Variants in ULBP2 observed in about 807,000 individuals in gnomAD.
The protein encoded by ULBP2 is UL16-binding protein 2.
In ULBP2, 21 loss-of-function variants were observed where a neutral mutation model predicts 23.6. The observed-to-expected ratio is 0.89, with a 90% CI of 0.63 to 1.28. ULBP2 has a LOEUF of 1.28. Ranked by LOEUF, ULBP2 falls within the 50% of genes most tolerant of loss-of-function variation. ULBP2 has a pLI of 0.00. For synonymous variants in ULBP2, 82 were observed against 112.8 expected (o/e 0.73, Z 1.73); for missense variants, 251 against 306.0 (o/e 0.82, Z 1.34).
chr6:149,947,251 G>A, intron 3 of ULBP2, 69 bp from the exon 4 acceptor site: 9 of 1,518,976 alleles, frequency 5.9e-6, no homozygotes, highest in Non-Finnish European at 7.2e-6. Context: ...AGGGTGGCAG[G>A]AACTGAGGAG....
intron 1 of ULBP2, among the ~76,000 whole-genome samples, chr6:149,942,452 T>A (rs1778877781): frequency 6.6e-6 from 1 of 151,860 alleles, no homozygotes; most frequent in South Asian, 2.1e-4. Flanking sequence ...AGCCTGGCAG[T>A]CCCACCCGCC....
Position 149,942,026 on chromosome 6 carries a change from G to A in ULBP2, c.-47G>A. The A allele has an allele frequency of 6.3e-7, 1 of 1,585,822 alleles. No homozygotes were observed. The highest frequency in any genetic ancestry group is 1.1e-5 in the South Asian group (1 of 87,926). On this transcript the variant is annotated 5_prime_UTR_variant, in exon 1 of 5. Transcript: ENST00000367351. ...AAACCTTGAGGTGATTCATCTTCCA[G>A]GCTCTCCTTCCATCAAGTCTCTCAT... is the stretch of plus-strand genomic sequence containing the variant.
chr6:149,945,902 C>T (rs35154256), intron 2 of ULBP2, among the ~76,000 whole-genome samples: 96 of 141,274 alleles, frequency 6.8e-4, no homozygotes, highest in African/African-American at 1.9e-3. Context: ...GGTGGTGCCA[C>T]TGCACTCCAG....
At chr6:149,942,984 G>T (rs975621736) in intron 1 of ULBP2, among the ~76,000 whole-genome samples, 1 of 151,246 alleles carries the variant, frequency 6.6e-6, no homozygotes, top group African/African-American at 2.5e-5. Flanking sequence ...GGCCCAGACC[G>T]CCTGTTCTTC....
At chr6:149,948,693 C>T (rs748612061) in intron 4 of ULBP2, 30 bp from the exon 5 acceptor site, 7 of 456,572 alleles carry the variant, frequency 1.5e-5, no homozygotes, top group Non-Finnish European at 2.6e-5. Context: ...TTCTCTGCCC[C>T]TTAAACCAAC....
rs1162284385 is a variant in ULBP2 at position 149,949,185 on chromosome 6, A to G, written c.*485A>G. ...TATATTAATGATTGTTTCCTTTAGT[A>G]ATTTATTGTTCTGTACTGATATTTA... On this transcript the variant is annotated 3_prime_UTR_variant, in exon 5 of 5. Transcript: ENST00000367351. The G allele has an allele frequency of 6.4e-6, 1 of 156,374 alleles. No individual in the cohort carries two copies. Among genetic ancestry groups the G allele is most frequent in the Non-Finnish European group, 1.4e-5 (1 of 70,948 alleles). 9.7% of individuals were successfully genotyped at this position (156,374 alleles called of 1,614,324 possible). A position where few individuals can be genotyped will look rare whatever the true frequency, so the allele number is the denominator to read the frequency against.
intron 2 of ULBP2, 36 bp downstream of exon 2, chr6:149,945,608 A>G: frequency 6.2e-7 from 1 of 1,613,942 alleles, no homozygotes; most frequent in South Asian, 1.1e-5. Context: ...CAGGGAACAG[A>G]TACAGTGGTA....
rs755510911 is a variant in ULBP2, at chr6:149,946,503, G to T, written c.481G>T (p.Val161Phe). The change falls in exon 3 of 5, where the codon GTT becomes TTT. Residue 161 changes from valine to phenylalanine, a missense_variant. Val to Phe is a conservative substitution (Grantham distance 50, BLOSUM62 -1). Coordinates refer to ENST00000367351, the MANE Select transcript of ULBP2 (RefSeq NM_025217.4). ...CTCAGAGAAGAGAATGTGGACAACGGTTCATCCTGGAGCCAGAAAGATGAA... is the reference window on the plus strand; with the variant it reads ...CTCAGAGAAGAGAATGTGGACAACGTTTCATCCTGGAGCCAGAAAGATGAA... ...FDSEKRMWTT[V>F]HPGARKMKEK... The T allele has an allele frequency of 6.2e-7, 1 of 1,614,024 alleles. No individual in the cohort carries two copies. The highest frequency in any genetic ancestry group is 1.3e-5 in the African/African-American group (1 of 74,876).
At chr6:149,948,393 G>T (rs1399778152) in intron 4 of ULBP2, among the ~76,000 whole-genome samples, 1 of 152,166 alleles carries the variant, frequency 6.6e-6, no homozygotes, top group African/African-American at 2.4e-5. Flanking sequence ...CTTTTTGGAA[G>T]TCTGCCCCAC....
intron 1 of ULBP2, among the ~76,000 whole-genome samples, chr6:149,944,304 G>C (rs1778904354): frequency 6.6e-6 from 1 of 151,808 alleles, no homozygotes; most frequent in African/African-American, 2.4e-5. Flanking sequence ...CATCTCTTTT[G>C]GACCTTGGAC....
chr6:149,948,757 G>A lies in ULBP2; in HGVS notation c.*57G>A, dbSNP rs1211685328. On this transcript the variant is annotated 3_prime_UTR_variant, in exon 5 of 5. Coordinates refer to ENST00000367351, the MANE Select transcript of ULBP2 (RefSeq NM_025217.4). ...GATACCAAAAGGCTCCTGTGAGCAC[G>A]GTCTTGATCAAACTCGCCCTTCTGT... 7 of 456,580 alleles carry A rather than the reference G, an allele frequency of 1.5e-5. No individual in the cohort carries two copies. Among genetic ancestry groups the A allele is most frequent in the Admixed American group, 7.0e-5 (3 of 42,554 alleles). 28.3% of individuals were successfully genotyped at this position (456,580 alleles called of 1,614,324 possible).
intron 1 of ULBP2, among the ~76,000 whole-genome samples, chr6:149,942,593 C>T (rs568258048): frequency 3.7e-4 from 57 of 152,264 alleles, no homozygotes; most frequent in Admixed American, 8.5e-4. Flanking sequence ...ACCCGCTCTC[C>T]ACCACACAAA....
chr6:149,948,499 C>T (rs1778977004), intron 4 of ULBP2, among the ~76,000 whole-genome samples: 1 of 152,266 alleles, frequency 6.6e-6, no homozygotes, highest in South Asian at 2.1e-4. Context: ...GCAGGCCCCT[C>T]CACTCCATCC....
At position 149,946,660 on chromosome 6, in the gene ULBP2, GGAGAAAAA is replaced by G. The variant is rs1444389982; in HGVS notation, c.631+10_631+17del. ...CTGGAGCCAAGTGCAGGAGGTAACAGGAGAAAAAGAAACGGGGATCTCAAATGTGATCA... is the reference window on the plus strand; with the variant it reads ...CTGGAGCCAAGTGCAGGAGGTAACAGGAAACGGGGATCTCAAATGTGATCA... On this transcript the variant is annotated splice_region_variant and intron_variant, in intron 3 of 4. Transcript: ENST00000367351. 1 of 1,612,120 alleles carries G rather than the reference GGAGAAAAA, an allele frequency of 6.2e-7. No individual in the cohort carries two copies. The highest frequency in any genetic ancestry group is 8.5e-7 in the Non-Finnish European group (1 of 1,178,838).
Position 149,943,375 on chromosome 6 carries a change from T to G in ULBP2, c.85+1218T>G, listed in dbSNP as rs151059403. On this transcript the variant is annotated intron_variant, in intron 1 of 4. Transcript: ENST00000367351. The stretch of plus-strand genomic sequence containing the variant: ...GAGTGGGGGTCCCATAGTTGGGGGC[T>G]TATTCTCCCCTCCTTTGTGCTGAGT... Among the ~76,000 whole-genome samples the G allele has an allele frequency of 7.1e-3, 1,088 of 152,208 alleles. 15 individuals carry two copies. The highest frequency in any genetic ancestry group is 0.025 in the African/African-American group (1,030 of 41,512).
chr6:149,947,273 G>A, intron 3 of ULBP2, 47 bp from the exon 4 acceptor site: 1 of 1,137,470 alleles, frequency 8.8e-7, no homozygotes, highest in South Asian at 1.5e-5. Context: ...TGTCTCCTCA[G>A]ATTTGGGGCC....
At chr6:149,945,596 A>G (rs759294899) in intron 2 of ULBP2, 24 bp downstream of exon 2, 1 of 1,613,988 alleles carries the variant, frequency 6.2e-7, no homozygotes, top group South Asian at 1.1e-5. Context: ...GGCCCAGGAC[A>G]GCAGGGAACA....
Position 149,945,671 on chromosome 6 carries a change from G to C in ULBP2, c.349+99G>C, listed in dbSNP as rs558704656. 5 of 1,602,422 alleles carry C rather than the reference G, an allele frequency of 3.1e-6. No individual in the cohort carries two copies. In the South Asian group the frequency reaches 5.6e-5, roughly 18 times the overall value. ...AAAAATACAAAAGGGTCCTGGGCAC[G>C]GTGGCTCACGCCTGTAGTCCCAGCA... On this transcript the variant is annotated intron_variant, in intron 2 of 4. Coordinates refer to ENST00000367351, the MANE Select transcript of ULBP2 (RefSeq NM_025217.4).
chr6:149,948,552 G>A lies in ULBP2; in HGVS notation c.*23-171G>A, dbSNP rs113306692. On this transcript the variant is annotated intron_variant, in intron 4 of 4. Transcript: ENST00000367351. ...CCTGGGCTGACTCTGTGATGTGACAGAGGAGGAAAGAGGTAGGTCCAAGCT... is the reference window on the plus strand; with the variant it reads ...CCTGGGCTGACTCTGTGATGTGACAAAGGAGGAAAGAGGTAGGTCCAAGCT... Among the ~76,000 whole-genome samples the A allele has an allele frequency of 9.5e-4, 144 of 152,258 alleles. 1 individual carries two copies. Among genetic ancestry groups the A allele is most frequent in the African/African-American group, 3.2e-3 (134 of 41,552 alleles).
Sources: gnomAD v4.1 joint callset for allele counts (sites outside exome capture counted in the v4.1 genomes callset) on GRCh38, gnomAD v4.1.1 for gene constraint, MANE v1.5 for transcripts, NCBI Gene and HGNC (gene_info 2026-07-23, HGNC 2026-07-21) for gene names.